Variants in CEP350 observed in about 807,000 individuals in gnomAD.
The protein encoded by CEP350 is centrosome-associated protein 350.
Under a neutral mutation model 331.8 loss-of-function variants are expected in CEP350, and 126 were observed. The observed-to-expected ratio is 0.38, with a 90% CI of 0.33 to 0.44. CEP350 has a LOEUF of 0.44. Ranked by LOEUF, CEP350 falls within the 20% of genes least tolerant of loss-of-function variation. The pLI is 1.00. For missense variants in CEP350, 3,406 were observed against 3,634.6 expected (o/e 0.94, Z 1.62); for synonymous variants, 1,200 against 1,259.5 (o/e 0.95, Z 1.00).
intron 37 of CEP350, among the ~76,000 whole-genome samples, chr1:180,104,147 T>C (rs1410115033): frequency 6.6e-6 from 1 of 150,446 alleles, no homozygotes; most frequent in African/African-American, 2.4e-5. Flanking sequence ...ATGAGGACTT[T>C]TTTGGCATTA....
In CEP350 at chr1:180,091,774, G is replaced by A. The variant is rs570352981; in HGVS notation, c.6509-840G>A. ...ACACCCAAGCAGTTGAGTCTACAGC[G>A]AGTTGTGATCAGCCACTGCACTCCA... On this transcript the variant is annotated intron_variant, in intron 33 of 37. Coordinates refer to ENST00000367607, the MANE Select transcript of CEP350 (RefSeq NM_014810.5). 6.6e-5 allele frequency among the ~76,000 whole-genome samples: 10 copies of A among 151,662 alleles called. No homozygotes were observed. The South Asian group carries it at 1.5e-3, about 22-fold the overall frequency.
intron 25 of CEP350, among the ~76,000 whole-genome samples, chr1:180,060,009 A>G (rs748232732): frequency 1.3e-5 from 2 of 152,166 alleles, no homozygotes; most frequent in Non-Finnish European, 2.9e-5. Flanking sequence ...GACAATAAAG[A>G]GATTTGCAAA....
At chr1:180,069,273 G>C (rs568574254) in intron 27 of CEP350, among the ~76,000 whole-genome samples, 2 of 152,246 alleles carry the variant, frequency 1.3e-5, no homozygotes, top group South Asian at 4.2e-4. Context: ...TTAAATGATT[G>C]ATCAAAAAGT....
intron 1 of CEP350, among the ~76,000 whole-genome samples, chr1:179,957,362 A>G (rs950404727): frequency 6.6e-6 from 1 of 152,096 alleles, no homozygotes; most frequent in East Asian, 1.9e-4. Context: ...GTTATAGTGT[A>G]AAAAAATCAT....
At position 180,044,127 on chromosome 1, in the gene CEP350, T is replaced by C. The variant is rs1656958648; in HGVS notation, c.4576T>C (p.Tyr1526His). The change falls in exon 21 of 38, where the codon TAT becomes CAT. Residue 1526 changes from tyrosine to histidine, a missense_variant. Physicochemically the swap from Tyr to His is moderately conservative, Grantham distance 83. Coordinates refer to ENST00000367607, the MANE Select transcript of CEP350 (RefSeq NM_014810.5). ...AAAGCATCAGAAGTATTCTGCTTCA[T>C]ATGATAGTTATTCTGAGTCTTCAGG... ...DSKHQKYSAS[Y>H]DSYSESSGYK... 6.4e-7 allele frequency: 1 copy of C among 1,566,540 alleles called. No individual in the cohort carries two copies.
chr1:180,027,939 G>A (rs370496756), intron 14 of CEP350, among the ~76,000 whole-genome samples: 2 of 152,088 alleles, frequency 1.3e-5, no homozygotes, highest in East Asian at 3.9e-4. Context: ...CAGTTTATAC[G>A]TCCAATGAGA....
At position 180,013,975 on chromosome 1, in the gene CEP350, C is replaced by A; in HGVS notation, c.1522C>A (p.Leu508Ile). 1.9e-6 allele frequency: 3 copies of A among 1,613,792 alleles called. No homozygotes were observed. Among genetic ancestry groups the A allele is most frequent in the Non-Finnish European group, 2.5e-6 (3 of 1,179,738 alleles). ...TAATATAAAGAAACTAGCTTCATCT[C>A]TTCCAGATAATAAGCAGGAGGAAAA... ...ENNIKKLASS[L>I]PDNKQEENTA... Residue 508 changes from leucine (L) to isoleucine (I), a missense_variant, in exon 10 of 38, where the codon CTT becomes ATT. Leu to Ile is a conservative substitution (Grantham distance 5). This residue lies in a region of CEP350 where 1,857 missense variants were observed against 1,909.2 expected (regional missense o/e 0.97). Transcript: ENST00000367607.
intron 1 of CEP350, among the ~76,000 whole-genome samples, chr1:179,979,112 A>G (rs1652085300): frequency 6.6e-6 from 1 of 152,124 alleles, no homozygotes. Context: ...ATCATATGAC[A>G]GTTCTATTTG....
At position 180,081,700 on chromosome 1, in the gene CEP350, C is replaced by G. The variant is rs1257530763; in HGVS notation, c.6124+1039C>G. On this transcript the variant is annotated intron_variant, in intron 30 of 37. Coordinates refer to ENST00000367607, the MANE Select transcript of CEP350 (RefSeq NM_014810.5). ...AATACCTGTACAGTATATTACTATA[C>G]TGAATGCTATATGCAGTTGTAACAC... Among the ~76,000 whole-genome samples the G allele has an allele frequency of 2.0e-5, 3 of 152,102 alleles. No individual in the cohort carries two copies. The East Asian group carries it at 5.8e-4, about 29-fold the overall frequency.
At chr1:180,076,971 TAAGAC>T (rs1185338257) in intron 28 of CEP350, among the ~76,000 whole-genome samples, 3 of 152,210 alleles carry the variant, frequency 2.0e-5, no homozygotes, top group South Asian at 2.1e-4. Context: ...GATTTGGAGA[TAAGAC>T]AAGGAGGCTT....
At position 180,077,603 on chromosome 1, in the gene CEP350, G is replaced by C. The variant is rs1054497801; in HGVS notation, c.5768-860G>C. The stretch of plus-strand genomic sequence containing the variant: ...GATTGCTTGTTCCTGGGAGGTCGAG[G>C]CTGCAGTGACCTGTTCGTGCCACTG... On this transcript the variant is annotated intron_variant, in intron 28 of 37. Transcript: ENST00000367607. 6.1e-5 allele frequency among the ~76,000 whole-genome samples: 9 copies of C among 148,050 alleles called. 1 individual carries two copies. Among genetic ancestry groups the C allele is most frequent in the Admixed American group, 4.8e-4 (7 of 14,604 alleles).
chr1:180,009,042 G>A (rs562373046), intron 8 of CEP350, among the ~76,000 whole-genome samples: 29 of 152,312 alleles, frequency 1.9e-4, no homozygotes, highest in African/African-American at 6.0e-4. Flanking sequence ...TTGAGACAGA[G>A]TCTTGCTCTG....
intron 37 of CEP350, among the ~76,000 whole-genome samples, chr1:180,110,496 G>T (rs903407198): frequency 6.6e-6 from 1 of 152,142 alleles, no homozygotes; most frequent in African/African-American, 2.4e-5. Flanking sequence ...CAATATACAT[G>T]CTCTGAGCAT....
At chr1:180,013,518 G>T (rs1438610954) in intron 9 of CEP350, among the ~76,000 whole-genome samples, 1 of 152,026 alleles carries the variant, frequency 6.6e-6, no homozygotes, top group African/African-American at 2.4e-5. Context: ...GAGAGAAATA[G>T]TAACACTAAA....
At chr1:180,096,506 A>G (rs1461760941) in intron 36 of CEP350, among the ~76,000 whole-genome samples, 1 of 152,174 alleles carries the variant, frequency 6.6e-6, no homozygotes, top group Non-Finnish European at 1.5e-5. Flanking sequence ...ATTGCAACTA[A>G]TAGGAGTTTT....
chr1:180,054,576 ATTTCT>A (rs750556593), intron 25 of CEP350, 74 bp downstream of exon 25: 9 of 1,095,268 alleles, frequency 8.2e-6, no homozygotes, highest in Non-Finnish European at 1.2e-5. Flanking sequence ...ATTTTGCCTG[ATTTCT>A]TTTCCTTATC....
intron 7 of CEP350, among the ~76,000 whole-genome samples, chr1:180,004,906 GCTTTCTTTCTTTCTTTCTTT>G (rs1158546433): frequency 4.6e-5 from 6 of 130,796 alleles, no homozygotes; most frequent in African/African-American, 1.5e-4. Context: ...TTGCTTGCTT[GCTTTCTTTCTTTCTTTCTTT>G]CTTTCTTTCT....
chr1:180,077,543 T>G (rs1338605689), intron 28 of CEP350, among the ~76,000 whole-genome samples: 1 of 151,902 alleles, frequency 6.6e-6, no homozygotes, highest in African/African-American at 2.4e-5. Flanking sequence ...GGCGCAGGCC[T>G]GTAGTCCCAG....
intron 1 of CEP350, among the ~76,000 whole-genome samples, chr1:179,967,766 G>GA (rs1356937069): frequency 6.6e-6 from 1 of 152,132 alleles, no homozygotes; most frequent in Non-Finnish European, 1.5e-5. Context: ...AATATTTTAT[G>GA]AAAGAATTTA....
Sources: gnomAD v4.1 joint callset for allele counts (sites outside exome capture counted in the v4.1 genomes callset) on GRCh38, gnomAD v4.1.1 for gene constraint, gnomAD v4.1.1 regional missense constraint, MANE v1.5 for transcripts, NCBI Gene and HGNC (gene_info 2026-07-23, HGNC 2026-07-21) for gene names.